Variants in PRKD1 observed in about 807,000 individuals in gnomAD.
PRKD1 encodes protein kinase D1, also known as serine/threonine-protein kinase D1.
Under a neutral mutation model 95.9 loss-of-function variants are expected in PRKD1, and 63 were observed. The ratio of observed to expected loss-of-function variants is 0.66; its 90% CI spans 0.54 to 0.81. PRKD1 has a LOEUF of 0.81. Ranked by LOEUF, PRKD1 falls within the 30% of genes least tolerant of loss-of-function variation. The probability of loss-of-function intolerance (pLI) is 0.00; values close to 1 mark genes in which losing one functional copy is unlikely to be tolerated. For synonymous variants in PRKD1, 425 were observed against 423.1 expected (o/e 1.00, Z -0.05); for missense variants, 1,048 against 1,165.3 (o/e 0.90, Z 1.47).
chr14:29,661,149 T>C (rs527388946), intron 4 of PRKD1, among the ~76,000 whole-genome samples: 1 of 152,308 alleles, frequency 6.6e-6, no homozygotes, highest in South Asian at 2.1e-4. Flanking sequence ...GAATTACCAA[T>C]GTCGTAATCT....
chr14:29,740,692 T>C (rs1173446898), intron 1 of PRKD1, among the ~76,000 whole-genome samples: 1 of 152,178 alleles, frequency 6.6e-6, no homozygotes, highest in Non-Finnish European at 1.5e-5. Flanking sequence ...ATGAGCTTTG[T>C]AGCAGCTGTT....
At chr14:29,593,452 C>T (rs539442221) in intron 16 of PRKD1, among the ~76,000 whole-genome samples, 1 of 152,252 alleles carries the variant, frequency 6.6e-6, no homozygotes, top group East Asian at 1.9e-4. Context: ...ATCCATATGG[C>T]CAGTCAGAGC....
At chr14:29,826,842 CACATATATATATATAT>C (rs1367303592) in intron 1 of PRKD1, among the ~76,000 whole-genome samples, 4 of 19,864 alleles carry the variant, frequency 2.0e-4, no homozygotes, top group Non-Finnish European at 2.7e-4. Context: ...TATATATACA[CACATATATATATATAT>C]ATATATATAT....
intron 4 of PRKD1, among the ~76,000 whole-genome samples, chr14:29,640,540 C>T (rs1036248991): frequency 1.3e-5 from 2 of 152,132 alleles, no homozygotes; most frequent in African/African-American, 4.8e-5. Flanking sequence ...TCAACTCTTG[C>T]AGATAAGTCT....
Position 29,916,329 on chromosome 14 carries a change from GTGGCCATTTCTTC to G in PRKD1, c.264+10907_264+10919del, listed in dbSNP as rs1294620278. On this transcript the variant is annotated intron_variant, in intron 1 of 17. Coordinates refer to ENST00000331968, the MANE Select transcript of PRKD1 (RefSeq NM_002742.3). ...CACTGTTATTCCTGAGTGATCTAGC[GTGGCCATTTCTTC>G]TGGCTCTAGCCACAGGAAGGTCAGA... is the stretch of plus-strand genomic sequence containing the variant. Among the ~76,000 whole-genome samples the G allele has an allele frequency of 2.0e-5, 3 of 152,124 alleles. No individual in the cohort carries two copies. In the East Asian group the frequency reaches 5.8e-4, roughly 29 times the overall value.
chr14:29,607,561 T>A (rs1168743825), intron 13 of PRKD1, among the ~76,000 whole-genome samples: 1 of 152,144 alleles, frequency 6.6e-6, no homozygotes, highest in Non-Finnish European at 1.5e-5. Flanking sequence ...GAGCCAAGCG[T>A]CTCTCTCAGC....
intron 1 of PRKD1, among the ~76,000 whole-genome samples, chr14:29,905,277 C>T (rs1454959578): frequency 1.3e-5 from 2 of 152,136 alleles, no homozygotes; most frequent in East Asian, 3.9e-4. Flanking sequence ...AGGGCCGGAA[C>T]CTGGACCAAT....
At chr14:29,776,899 G>T (rs1351428005) in intron 1 of PRKD1, among the ~76,000 whole-genome samples, 2 of 152,186 alleles carry the variant, frequency 1.3e-5, no homozygotes, top group African/African-American at 2.4e-5. Flanking sequence ...AGAGAGAAAG[G>T]TCGGGTTACC....
intron 2 of PRKD1, among the ~76,000 whole-genome samples, chr14:29,666,566 G>A (rs544393566): frequency 6.6e-6 from 1 of 152,200 alleles, no homozygotes; most frequent in African/African-American, 2.4e-5. Context: ...TTAAATGAGT[G>A]AGAAAGGTAT....
intron 1 of PRKD1, among the ~76,000 whole-genome samples, chr14:29,856,652 C>T (rs755133707): frequency 6.6e-6 from 1 of 152,144 alleles, no homozygotes; most frequent in Non-Finnish European, 1.5e-5. Context: ...TATCTAAATA[C>T]TCAAGAGAGA....
intron 1 of PRKD1, among the ~76,000 whole-genome samples, chr14:29,876,248 T>A (rs1465262458): frequency 2.0e-5 from 3 of 152,202 alleles, no homozygotes; most frequent in Non-Finnish European, 4.4e-5. Context: ...TGGAGAATTA[T>A]CTCACTATAT....
chr14:29,808,373 CTTTTTTTTTTTTTTTTTTTTTTTT>C (rs34250184), intron 1 of PRKD1, among the ~76,000 whole-genome samples: 40 of 20,014 alleles, frequency 2.0e-3, no homozygotes, highest in Admixed American at 8.4e-3. Context: ...TCAGGCTCTA[CTTTTTTTTTTTTTTTTTTTTTTTT>C]TTTTTTTTTT....
At chr14:29,822,941 T>A (rs1282269188) in intron 1 of PRKD1, among the ~76,000 whole-genome samples, 1 of 152,164 alleles carries the variant, frequency 6.6e-6, no homozygotes, top group Admixed American at 6.5e-5. Context: ...TCCAAAGAAA[T>A]TTTAAGGTAA....
At chr14:29,733,523 T>C (rs2139415732) in intron 1 of PRKD1, among the ~76,000 whole-genome samples, 1 of 152,290 alleles carries the variant, frequency 6.6e-6, no homozygotes, top group Middle Eastern at 3.4e-3. Flanking sequence ...AGAGGTTTAA[T>C]TGACTCAGTT....
At chr14:29,606,164 C>T (rs1031113717) in intron 13 of PRKD1, among the ~76,000 whole-genome samples, 3 of 152,102 alleles carry the variant, frequency 2.0e-5, no homozygotes, top group African/African-American at 7.2e-5. Flanking sequence ...AGGTGCCCGC[C>T]ACCATGCCTG....
At chr14:29,679,725 C>CTT (rs11299614) in intron 2 of PRKD1, among the ~76,000 whole-genome samples, 6 of 127,738 alleles carry the variant, frequency 4.7e-5, no homozygotes, top group East Asian at 4.5e-4. Flanking sequence ...AGGTACAAAT[C>CTT]TTTTTTTTTT....
At chr14:29,890,825 T>C (rs1893912733) in intron 1 of PRKD1, among the ~76,000 whole-genome samples, 1 of 152,188 alleles carries the variant, frequency 6.6e-6, no homozygotes, top group African/African-American at 2.4e-5. Context: ...TAAAGATATA[T>C]AATTTTGATT....
intron 13 of PRKD1, among the ~76,000 whole-genome samples, chr14:29,615,762 TGAAG>T (rs1878811998): frequency 6.6e-6 from 1 of 152,192 alleles, no homozygotes; most frequent in Non-Finnish European, 1.5e-5. Context: ...TATAAAGGAA[TGAAG>T]GGCTTCACAG....
At chr14:29,743,076 G>C (rs1887052624) in intron 1 of PRKD1, among the ~76,000 whole-genome samples, 1 of 152,158 alleles carries the variant, frequency 6.6e-6, no homozygotes, top group Admixed American at 6.5e-5. Context: ...AGACTATAAA[G>C]GAGTCAGAGT....
Sources: allele counts gnomAD v4.1 joint callset (sites outside exome capture counted in the v4.1 genomes callset), GRCh38; gene constraint gnomAD v4.1.1; transcripts MANE v1.5; gene names NCBI Gene and HGNC (gene_info 2026-07-23, HGNC 2026-07-21).